Variants in PRKCZ observed in about 807,000 individuals in gnomAD.
The protein encoded by PRKCZ is protein kinase C zeta, also known as protein kinase C zeta type.
PRKCZ carries 33 observed loss-of-function variants against 79.5 expected under a neutral mutation model. The observed-to-expected ratio is 0.41, with a 90% CI of 0.31 to 0.55. PRKCZ has a LOEUF of 0.55. Ranked by LOEUF, PRKCZ falls within the 20% of genes least tolerant of loss-of-function variation. PRKCZ has a pLI of 0.19. For missense variants in PRKCZ, 578 were observed against 813.5 expected (o/e 0.71, Z 3.52); for synonymous variants, 342 against 320.9 (o/e 1.07, Z -0.70).
intron 10 of PRKCZ, among the ~76,000 whole-genome samples, chr1:2,163,517 G>T (rs955350782): frequency 6.6e-6 from 1 of 152,252 alleles, no homozygotes; most frequent in Non-Finnish European, 1.5e-5. Context: ...GAAGCTGAGA[G>T]AAGATGACCG....
At chr1:2,169,169 T>C (rs577586204) in intron 10 of PRKCZ, 8 of 463,138 alleles carry the variant, frequency 1.7e-5, no homozygotes, top group Non-Finnish European at 3.5e-5. Context: ...GCAGATCCTG[T>C]CCCAGCCCCC....
intron 4 of PRKCZ, among the ~76,000 whole-genome samples, chr1:2,064,029 A>G (rs920161236): frequency 6.6e-6 from 1 of 151,946 alleles, no homozygotes; most frequent in Admixed American, 6.5e-5. Flanking sequence ...TATTTTTAGT[A>G]GAGTTGGGGG....
chr1:2,177,553 T>A lies in PRKCZ; in HGVS notation c.1575+2240T>A, dbSNP rs1025311088. ...CTGTGGAGTGACGGGCTCCTTCTCT[T>A]CGGAGCACTGTCTAATCTGAGTGTG... On this transcript the variant is annotated intron_variant, in intron 16 of 17. Coordinates refer to ENST00000378567, the MANE Select transcript of PRKCZ (RefSeq NM_002744.6). The surrounding 1 kb of genome is among the most constrained non-coding windows in gnomAD (Gnocchi z 6.4). Among the ~76,000 whole-genome samples, 1 of 152,154 alleles carries A rather than the reference T, an allele frequency of 6.6e-6. No homozygotes were observed. Among genetic ancestry groups the A allele is most frequent in the African/African-American group, 2.4e-5 (1 of 41,440 alleles).
chr1:2,163,183 G>T (rs572367475), intron 10 of PRKCZ, among the ~76,000 whole-genome samples: 61 of 152,348 alleles, frequency 4.0e-4, no homozygotes, highest in African/African-American at 1.4e-3. Flanking sequence ...CACCGGAAGC[G>T]CAGTGCCATC....
chr1:2,140,932 C>T (rs1677188503), intron 5 of PRKCZ, among the ~76,000 whole-genome samples: 1 of 152,180 alleles, frequency 6.6e-6, no homozygotes, highest in South Asian at 2.1e-4. Flanking sequence ...CGTACCACTG[C>T]ACTCCAGCCT....
chr1:2,056,904 A>G (rs1033056056), intron 3 of PRKCZ, among the ~76,000 whole-genome samples: 3 of 150,458 alleles, frequency 2.0e-5, no homozygotes, highest in African/African-American at 4.9e-5. Flanking sequence ...AATTTTTTGT[A>G]TTTTTTGTAG....
intron 10 of PRKCZ, among the ~76,000 whole-genome samples, chr1:2,164,760 C>T (rs572564276): frequency 2.6e-5 from 4 of 152,324 alleles, no homozygotes; most frequent in South Asian, 2.1e-4. Flanking sequence ...TACCTCTTGG[C>T]GGGATCCCTG....
intron 4 of PRKCZ, among the ~76,000 whole-genome samples, chr1:2,100,068 A>G (rs148177208): frequency 1.4e-3 from 216 of 152,244 alleles, no homozygotes; most frequent in African/African-American, 4.8e-3. Flanking sequence ...GATGCCAGCC[A>G]TTCCCCAGGT....
intron 4 of PRKCZ, among the ~76,000 whole-genome samples, chr1:2,067,845 T>C (rs550839256): frequency 9.2e-5 from 14 of 152,346 alleles, no homozygotes; most frequent in African/African-American, 3.1e-4. Context: ...TCTGTTAATA[T>C]TTTTCCTTCT....
chr1:2,183,339 A>G (rs1237525466), intron 16 of PRKCZ, among the ~76,000 whole-genome samples: 1 of 152,160 alleles, frequency 6.6e-6, no homozygotes, highest in Non-Finnish European at 1.5e-5. Flanking sequence ...GGTTGCAGTG[A>G]GCCGAGATCG....
At chr1:2,065,748 A>G (rs75227206) in intron 4 of PRKCZ, among the ~76,000 whole-genome samples, 24,142 of 151,642 alleles carry the variant, frequency 0.16, 2,220 homozygotes, top group East Asian at 0.25. Flanking sequence ...TGTCAAAGAA[A>G]AGCTTTCAGG....
intron 10 of PRKCZ, among the ~76,000 whole-genome samples, chr1:2,163,734 CA>C (rs35766783): frequency 0.36 from 50,180 of 139,444 alleles, 8,565 homozygotes; most frequent in South Asian, 0.42. Flanking sequence ...ACTAAAAATA[CA>C]AAAAAAAAAA....
At chr1:2,169,114 T>G in intron 10 of PRKCZ, 1 of 457,004 alleles carries the variant, frequency 2.2e-6, no homozygotes, top group Non-Finnish European at 4.4e-6. Flanking sequence ...ACCCGTGACC[T>G]GCGGTGCTGT....
Position 2,178,255 on chromosome 1 carries a change from TGGTCTGCAC to T in PRKCZ, c.1575+2943_1575+2951del, listed in dbSNP as rs1685867403. On this transcript the variant is annotated intron_variant, in intron 16 of 17. Transcript: ENST00000378567. This position sits in a 1 kb window ranked among gnomAD's most constrained non-coding sequence, Gnocchi z 4.3. Reference sequence around the variant, plus strand: ...CTCCGCCAGGCTGTGTGGCTCTGCCTGGTCTGCACATGTCATGGAAGTGGACCTGGGCAC... The same window carrying T: ...CTCCGCCAGGCTGTGTGGCTCTGCCTATGTCATGGAAGTGGACCTGGGCAC... 6.6e-6 allele frequency among the ~76,000 whole-genome samples: 1 copy of T among 152,246 alleles called. No homozygotes were observed. Among genetic ancestry groups the T allele is most frequent in the Non-Finnish European group, 1.5e-5 (1 of 68,038 alleles).
At chr1:2,144,508 G>A in intron 6 of PRKCZ, 167 bp downstream of exon 6, 1 of 1,433,400 alleles carries the variant, frequency 7.0e-7, no homozygotes, top group South Asian at 1.5e-5. Context: ...TCTTGGATAG[G>A]ACCCATCTTC....
intron 4 of PRKCZ, among the ~76,000 whole-genome samples, chr1:2,112,882 G>C (rs905057022): frequency 6.6e-6 from 1 of 152,208 alleles, no homozygotes; most frequent in African/African-American, 2.4e-5. Flanking sequence ...GGTAGAGGCG[G>C]GGTTTCACCG....
At chr1:2,060,978 G>A (rs936518658) in intron 4 of PRKCZ, among the ~76,000 whole-genome samples, 5 of 152,218 alleles carry the variant, frequency 3.3e-5, no homozygotes, top group African/African-American at 1.2e-4. Context: ...GGTTCACTGC[G>A]TTTTTATAGA....
At chr1:2,051,616 T>C (rs1571058559) in intron 1 of PRKCZ, among the ~76,000 whole-genome samples, 2 of 152,134 alleles carry the variant, frequency 1.3e-5, no homozygotes, top group South Asian at 4.1e-4. Context: ...CCTGCCCCGG[T>C]GCGTCCTCAG....
At chr1:2,059,888 C>T (rs1660514503) in intron 4 of PRKCZ, among the ~76,000 whole-genome samples, 1 of 152,202 alleles carries the variant, frequency 6.6e-6, no homozygotes, top group South Asian at 2.1e-4. Context: ...CTGGACACTG[C>T]TCCTTTGTGG....
Sources: allele counts gnomAD v4.1 joint callset (sites outside exome capture counted in the v4.1 genomes callset), GRCh38; gene constraint gnomAD v4.1.1; non-coding constraint Gnocchi (gnomAD v3.1); transcripts MANE v1.5; gene names NCBI Gene and HGNC (gene_info 2026-07-23, HGNC 2026-07-21).